Variants in PLEKHM3 observed in about 807,000 individuals in gnomAD.
PLEKHM3 encodes pleckstrin homology domain containing M3, also known as pleckstrin homology domain-containing family M member 3.
In PLEKHM3, 45 loss-of-function variants were observed where a neutral mutation model predicts 81.8. That is an observed-to-expected ratio of 0.55 (90% CI 0.43 to 0.71). The LOEUF is 0.71. PLEKHM3 is among the 30% of genes least tolerant of loss of function. PLEKHM3 has a pLI of 0.00. For synonymous variants in PLEKHM3, 352 were observed against 356.4 expected (o/e 0.99, Z 0.14); for missense variants, 788 against 924.3 (o/e 0.85, Z 1.91).
chr2:207,964,575 TA>T (rs1168378723), intron 3 of PLEKHM3, among the ~76,000 whole-genome samples: 1 of 152,066 alleles, frequency 6.6e-6, no homozygotes, highest in Non-Finnish European at 1.5e-5. Flanking sequence ...AGGCGGTCAA[TA>T]AAGTCTTGCA....
intron 7 of PLEKHM3, among the ~76,000 whole-genome samples, chr2:207,840,265 G>A (rs2092342743): frequency 6.6e-6 from 1 of 152,054 alleles, no homozygotes; most frequent in African/African-American, 2.4e-5. Flanking sequence ...GTTCACTGCA[G>A]CCTCAAACTG....
chr2:207,940,562 A>G (rs1287751601), intron 4 of PLEKHM3, among the ~76,000 whole-genome samples: 1 of 152,218 alleles, frequency 6.6e-6, no homozygotes, highest in African/African-American at 2.4e-5. Context: ...CGTTTTACAG[A>G]TTACAAAACT....
chr2:208,010,417 C>A (rs1692651373), intron 1 of PLEKHM3, among the ~76,000 whole-genome samples: 1 of 152,240 alleles, frequency 6.6e-6, no homozygotes, highest in Non-Finnish European at 1.5e-5. Context: ...CAGGAAGACA[C>A]AAACTTCAGT....
intron 2 of PLEKHM3, among the ~76,000 whole-genome samples, chr2:207,982,416 T>C (rs934220286): frequency 6.6e-6 from 1 of 151,972 alleles, no homozygotes; most frequent in Non-Finnish European, 1.5e-5. Context: ...ACTACAGGTA[T>C]GCACTACCAC....
intron 3 of PLEKHM3, among the ~76,000 whole-genome samples, chr2:207,975,417 TG>T (rs1297546846): frequency 6.6e-6 from 1 of 152,148 alleles, no homozygotes; most frequent in Non-Finnish European, 1.5e-5. Context: ...TTAAACAACA[TG>T]TTAAACCTAA....
Position 208,001,372 on chromosome 2 carries a change from G to A in PLEKHM3, c.268C>T (p.Pro90Ser), listed in dbSNP as rs1692296457. 6.2e-7 allele frequency: 1 copy of A among 1,614,132 alleles called. No homozygotes were observed. The highest frequency in any genetic ancestry group is 8.5e-7 in the Non-Finnish European group (1 of 1,180,020). ...TGGACCATAAACTGTTCTTTGGCAG[G>A]GAAGACATTTTGAGCTTTGGTTTCT... ...LLETKAQNVF[P>S]AKEQFMVQRG... is the part of the protein sequence containing the mutation. The change falls in exon 2 of 8, where the codon CCT becomes TCT. Residue 90 changes from proline (P) to serine (S), a missense_variant. By Grantham distance (74) the Pro-to-Ser change is moderately conservative (BLOSUM62 -1). Coordinates refer to ENST00000427836, the MANE Select transcript of PLEKHM3 (RefSeq NM_001080475.3).
intron 3 of PLEKHM3, among the ~76,000 whole-genome samples, chr2:207,957,475 G>A (rs182455304): frequency 1.4e-3 from 207 of 152,304 alleles, no homozygotes; most frequent in Non-Finnish European, 1.5e-3. Context: ...GAGGCGGGTG[G>A]ATCATTAGAT....
chr2:207,849,574 C>T (rs757267584), intron 7 of PLEKHM3, among the ~76,000 whole-genome samples: 2 of 152,272 alleles, frequency 1.3e-5, no homozygotes. Context: ...ACAGAGCTGC[C>T]GATGCCCTAC....
intron 5 of PLEKHM3, among the ~76,000 whole-genome samples, chr2:207,910,955 A>C (rs1198536770): frequency 1.3e-5 from 2 of 152,162 alleles, no homozygotes; most frequent in Non-Finnish European, 2.9e-5. Flanking sequence ...TGAAGTATAG[A>C]GCCTGGGGAT....
intron 3 of PLEKHM3, among the ~76,000 whole-genome samples, chr2:207,970,326 C>T (rs1222782040): frequency 1.3e-5 from 2 of 151,402 alleles, no homozygotes; most frequent in Non-Finnish European, 2.9e-5. Flanking sequence ...AAAATGCCCC[C>T]CCACCCCCCA....
At chr2:207,831,682 G>T (rs2092289145) in intron 7 of PLEKHM3, among the ~76,000 whole-genome samples, 1 of 152,150 alleles carries the variant, frequency 6.6e-6, no homozygotes, top group Admixed American at 6.5e-5. Flanking sequence ...CCTTGACACA[G>T]GCGCTATCCT....
At chr2:207,840,385 C>T (rs2092343502) in intron 7 of PLEKHM3, among the ~76,000 whole-genome samples, 1 of 151,918 alleles carries the variant, frequency 6.6e-6, no homozygotes, top group Non-Finnish European at 1.5e-5. Flanking sequence ...TTTGCAGAGA[C>T]AAGTTTCTGC....
intron 4 of PLEKHM3, among the ~76,000 whole-genome samples, chr2:207,944,991 T>C (rs1005495643): frequency 6.6e-6 from 1 of 152,042 alleles, no homozygotes; most frequent in Admixed American, 6.5e-5. Context: ...TCTATTCTTG[T>C]TTCTTGTTTC....
At position 207,867,925 on chromosome 2, in the gene PLEKHM3, G is replaced by T. The variant is rs79132054; in HGVS notation, c.1951-6663C>A. On this transcript the variant is annotated intron_variant, in intron 6 of 7. Transcript: ENST00000427836. ...AGCCAGAGGAGCATACTACCTTCAG[G>T]TTCCAACCAAGAATGAAGAATAGAA... Among the ~76,000 whole-genome samples the T allele has an allele frequency of 2.0e-5, 3 of 151,996 alleles. No homozygotes were observed. In the East Asian group the frequency reaches 5.8e-4, roughly 29 times the overall value.
chr2:207,859,283 C>A (rs1453225535), intron 7 of PLEKHM3, among the ~76,000 whole-genome samples: 1 of 151,762 alleles, frequency 6.6e-6, no homozygotes, highest in African/African-American at 2.4e-5. Flanking sequence ...GGATTACAGG[C>A]ATGTACCACT....
chr2:207,907,424 C>T (rs1367681654), intron 6 of PLEKHM3, among the ~76,000 whole-genome samples: 1 of 152,110 alleles, frequency 6.6e-6, no homozygotes, highest in Non-Finnish European at 1.5e-5. Context: ...ATCGCTTGAA[C>T]CCGGGAGGCA....
intron 1 of PLEKHM3, among the ~76,000 whole-genome samples, chr2:208,018,026 A>C (rs574407045): frequency 1.3e-5 from 2 of 152,106 alleles, no homozygotes; most frequent in South Asian, 4.2e-4. Flanking sequence ...GCCCTCCCCA[A>C]GTGATCTTCT....
intron 6 of PLEKHM3, among the ~76,000 whole-genome samples, chr2:207,872,810 G>A (rs1186248553): frequency 6.6e-6 from 1 of 152,146 alleles, no homozygotes; most frequent in Admixed American, 6.5e-5. Flanking sequence ...TTGGGCAACA[G>A]AGTGAGACTC....
At position 207,825,839 on chromosome 2, in the gene PLEKHM3, G is replaced by C. The variant is rs937571492; in HGVS notation, c.*2480C>G. The C allele has an allele frequency of 6.6e-6, 1 of 152,212 alleles. No individual in the cohort carries two copies. 9.4% of individuals were successfully genotyped at this position (152,212 alleles called of 1,614,324 possible). A position where few individuals can be genotyped will look rare whatever the true frequency, so the allele number is the denominator to read the frequency against. On this transcript the variant is annotated 3_prime_UTR_variant, in exon 8 of 8. Transcript: ENST00000427836. Reference sequence around the variant, plus strand: ...TTTGTTTCCCTTTTGAAAATAAGCAGAAAATGATGTGGGTGGAAAGTCCTC... The same window carrying C: ...TTTGTTTCCCTTTTGAAAATAAGCACAAAATGATGTGGGTGGAAAGTCCTC...
Sources: allele counts gnomAD v4.1 joint callset (sites outside exome capture counted in the v4.1 genomes callset), GRCh38; gene constraint gnomAD v4.1.1; transcripts MANE v1.5; gene names NCBI Gene and HGNC (gene_info 2026-07-23, HGNC 2026-07-21).